TNS1: variants seen among roughly 807,000 people sequenced by gnomAD.
TNS1 encodes tensin-1.
TNS1 carries 62 observed loss-of-function variants against 168.6 expected under a neutral mutation model. The observed-to-expected ratio is 0.37, with a 90% confidence interval of 0.30 to 0.45. The LOEUF (loss-of-function observed/expected upper bound fraction) is 0.45, where lower values mean the gene tolerates loss of function less well. Among genes scored for constraint, TNS1 ranks in the 20% least tolerant of loss-of-function variants. The pLI is 1.00. For synonymous variants in TNS1, 934 were observed against 933.2 expected (o/e 1.00, Z -0.02); for missense variants, 2,240 against 2,339.4 (o/e 0.96, Z 0.88).
intron 22 of TNS1, among the ~76,000 whole-genome samples, chr2:217,829,633 C>A (rs947287372): frequency 1.3e-5 from 2 of 152,146 alleles, no homozygotes; most frequent in Admixed American, 6.5e-5. Flanking sequence ...CCTGAGCCAG[C>A]GCCTGGCAGC....
At chr2:217,849,189 G>T in intron 18 of TNS1, 102 bp from the exon 19 acceptor site, 2 of 1,411,348 alleles carry the variant, frequency 1.4e-6, no homozygotes, top group Non-Finnish European at 1.9e-6. Context: ...GAGCTCCCAT[G>T]CCCTGCATCC....
At position 217,848,320 on chromosome 2, in the gene TNS1, G is replaced by A. The variant is rs1469251573; in HGVS notation, c.2197C>T (p.His733Tyr). 2 of 1,537,056 alleles carry A rather than the reference G, an allele frequency of 1.3e-6. No individual in the cohort carries two copies. The highest frequency in any genetic ancestry group is 2.3e-5 in the East Asian group (1 of 44,126). The change falls in exon 19 of 33, where the codon CAC becomes TAC. Residue 733 changes from histidine to tyrosine, a missense_variant. Physicochemically the swap from His to Tyr is moderately conservative, Grantham distance 83 (BLOSUM62 2). Coordinates refer to ENST00000682258, the MANE Select transcript of TNS1 (RefSeq NM_001387777.1). Reference sequence around the variant, plus strand: ...ATACCGCTGGGGTCATGGGCATAGTGGGAGGTGGTCACTGGCTGTGGCCAG... The same window carrying A: ...ATACCGCTGGGGTCATGGGCATAGTAGGAGGTGGTCACTGGCTGTGGCCAG... ...PAWPQPVTTSHYAHDPSGMFR... is the reference protein window; with the variant it reads ...PAWPQPVTTSYYAHDPSGMFR...
At chr2:218,003,800 C>G (rs548500364), upstream of TNS1, among the ~76,000 whole-genome samples, 3 of 151,052 alleles carry the variant, frequency 2.0e-5, no homozygotes, top group African/African-American at 7.3e-5. Context: ...CCCTCTCCCC[C>G]TCCCTGGGCC....
At chr2:217,817,455 T>G (rs528527886) in intron 24 of TNS1, among the ~76,000 whole-genome samples, 45 of 152,196 alleles carry the variant, frequency 3.0e-4, no homozygotes, top group Non-Finnish European at 5.6e-4. Flanking sequence ...ATTATGATTT[T>G]TATCATCCTC....
upstream of TNS1, among the ~76,000 whole-genome samples, chr2:218,011,030 C>A (rs1013115569): frequency 2.0e-5 from 3 of 152,112 alleles, no homozygotes; most frequent in Admixed American, 1.3e-4. Context: ...CCAAAGAGCC[C>A]CCACAGGTTG....
chr2:217,896,974 A>G (rs1234434745), intron 8 of TNS1, among the ~76,000 whole-genome samples: 1 of 152,112 alleles, frequency 6.6e-6, no homozygotes, highest in Non-Finnish European at 1.5e-5. Flanking sequence ...TTTTTTCTGA[A>G]TATTTTCAAC....
chr2:217,907,423 T>C (rs905076587), intron 4 of TNS1, among the ~76,000 whole-genome samples, 172 bp from the exon 5 acceptor site: 2 of 152,200 alleles, frequency 1.3e-5, no homozygotes, highest in African/African-American at 4.8e-5. Flanking sequence ...GAGGGAGAGT[T>C]TGACATGTGG....
At chr2:217,857,569 A>T (rs530772462) in intron 18 of TNS1, among the ~76,000 whole-genome samples, 4 of 152,322 alleles carry the variant, frequency 2.6e-5, no homozygotes, top group Non-Finnish European at 5.9e-5. Context: ...GACCCGTGGC[A>T]ATTGTCCCAG....
intron 2 of TNS1, among the ~76,000 whole-genome samples, chr2:217,979,528 G>C (rs202202236): frequency 2.7e-5 from 4 of 146,784 alleles, no homozygotes; most frequent in Non-Finnish European, 3.0e-5. Context: ...GAAACACACA[G>C]ACACACACAC....
intron 18 of TNS1, among the ~76,000 whole-genome samples, chr2:217,853,977 G>A (rs920237552): frequency 2.0e-5 from 3 of 152,220 alleles, no homozygotes; most frequent in Non-Finnish European, 2.9e-5. Context: ...AAAGTCACAC[G>A]GTTTCAGGGC....
intron 18 of TNS1, 54 bp from the exon 19 acceptor site, chr2:217,849,141 G>A (rs1947124698): frequency 2.6e-6 from 4 of 1,558,832 alleles, no homozygotes; most frequent in Non-Finnish European, 3.5e-6. Context: ...TTAGCGGGAG[G>A]CAGGGGTATC....
chr2:218,020,777 G>C (rs78420462), intron 1 of TNS1, among the ~76,000 whole-genome samples: 2,360 of 152,298 alleles, frequency 0.015, 23 homozygotes, highest in Non-Finnish European at 0.026. Context: ...GGAACCCAAA[G>C]ATACAGACAG....
chr2:217,848,642 G>T lies in TNS1; in HGVS notation c.1875C>A (p.Ile625=), dbSNP rs181839905. ...GALASERETD[I]LDDELPNQDG... is the part of the protein sequence containing the mutation. The stretch of plus-strand genomic sequence containing the variant: ...CCTGGTTTGGCAATTCATCGTCCAG[G>T]ATGTCTGTCTCCCGCTCAGATGCTA... Residue 625 remains isoleucine (I), a synonymous_variant, in exon 19 of 33, where the codon ATC becomes ATA. Coordinates refer to ENST00000682258, the MANE Select transcript of TNS1 (RefSeq NM_001387777.1). The T allele has an allele frequency of 6.2e-7, 1 of 1,614,108 alleles. No individual in the cohort carries two copies. Among genetic ancestry groups the T allele is most frequent in the Admixed American group, 1.7e-5 (1 of 60,010 alleles).
At chr2:217,847,106 G>A (rs764920026) in intron 19 of TNS1, among the ~76,000 whole-genome samples, 3 of 152,206 alleles carry the variant, frequency 2.0e-5, no homozygotes, top group Non-Finnish European at 2.9e-5. Context: ...TGTCTAGAAA[G>A]TCTGTACTCC....
chr2:217,876,813 C>T (rs1950244172), intron 18 of TNS1, among the ~76,000 whole-genome samples: 1 of 152,142 alleles, frequency 6.6e-6, no homozygotes, highest in Non-Finnish European at 1.5e-5. Flanking sequence ...ACAGCATCTC[C>T]AAGCCAAGGA....
At chr2:218,000,445 C>T (rs1958541774) in intron 1 of TNS1, among the ~76,000 whole-genome samples, 1 of 152,232 alleles carries the variant, frequency 6.6e-6, no homozygotes, top group Non-Finnish European at 1.5e-5. Flanking sequence ...CCTCCCCCAG[C>T]ATCAGGTCTG....
At chr2:218,000,457 G>T (rs1269641036) in intron 1 of TNS1, among the ~76,000 whole-genome samples, 1 of 152,214 alleles carries the variant, frequency 6.6e-6, no homozygotes, top group South Asian at 2.1e-4. Flanking sequence ...TCAGGTCTGG[G>T]ATACAGAGGA....
At chr2:217,893,347 C>A (rs56217129) in intron 10 of TNS1, 92 bp downstream of exon 10, 337,200 of 1,470,750 alleles carry the variant, frequency 0.23, 39,486 homozygotes, top group Middle Eastern at 0.3. Flanking sequence ...CAGGTACACA[C>A]AATCATCCAA....
chr2:217,830,995 G>A (rs909066534), intron 22 of TNS1, among the ~76,000 whole-genome samples: 6 of 152,214 alleles, frequency 3.9e-5, no homozygotes, highest in Admixed American at 2.6e-4. Context: ...GTGATGCTTC[G>A]TGGATGCTCA....
Sources: allele counts gnomAD v4.1 joint callset (sites outside exome capture counted in the v4.1 genomes callset), GRCh38; gene constraint gnomAD v4.1.1; transcripts MANE v1.5; gene names NCBI Gene and HGNC (gene_info 2026-07-23, HGNC 2026-07-21).